The following BNIP3L variants were observed in gnomAD, a reference collection of about 807,000 sequenced individuals.
BNIP3L encodes the protein BCL2 interacting protein 3 like.
BNIP3L carries 10 observed loss-of-function variants against 25.5 expected under a neutral mutation model. The observed-to-expected ratio is 0.39, with a 90% CI of 0.24 to 0.67. The LOEUF (loss-of-function observed/expected upper bound fraction) is 0.67. Among genes scored for constraint, BNIP3L ranks in the 30% least tolerant of loss-of-function variants. The pLI is 0.45. For missense variants in BNIP3L, 215 were observed against 270.9 expected (o/e 0.79, Z 1.45); for synonymous variants, 113 against 101.2 (o/e 1.12, Z -0.70).
intron 3 of BNIP3L, among the ~76,000 whole-genome samples, chr8:26,403,189 A>C (rs1806429510): frequency 6.6e-6 from 1 of 152,228 alleles, no homozygotes; most frequent in Non-Finnish European, 1.5e-5. Context: ...AAGACAGCCT[A>C]ACCCCTGTGA....
Position 26,411,773 on chromosome 8 carries a change from A to G in BNIP3L, c.*1361A>G, listed in dbSNP as rs925373369. ...GATTTTCTTGGATTTCAGAACATCT[A>G]GCATGACTCTGAAGGATACCACATG... On this transcript the variant is annotated 3_prime_UTR_variant, in exon 6 of 6. Transcript: ENST00000380629. 1 of 152,656 alleles carries G rather than the reference A, an allele frequency of 6.6e-6. No homozygotes were observed. Among genetic ancestry groups the G allele is most frequent in the Non-Finnish European group, 1.5e-5 (1 of 68,030 alleles). The allele number at this position is 152,656 out of a possible 1,614,324, so 9.5% of individuals were successfully genotyped here. A position where few individuals can be genotyped will look rare whatever the true frequency, so the allele number is the denominator to read the frequency against.
chr8:26,388,747 G>A (rs1200830836), intron 1 of BNIP3L, among the ~76,000 whole-genome samples: 1 of 152,068 alleles, frequency 6.6e-6, no homozygotes, highest in Non-Finnish European at 1.5e-5. Flanking sequence ...GAGGTGGGAG[G>A]ATTGCTGAAG....
chr8:26,412,066 A>T lies in BNIP3L; in HGVS notation c.*1654A>T, dbSNP rs1486213376. ...AGAATATAGCTGGCTATCTTTAAGA[A>T]AGATGATATATCCTAGTTTTGAAAG... On this transcript the variant is annotated 3_prime_UTR_variant, in exon 6 of 6. Coordinates refer to ENST00000380629, the MANE Select transcript of BNIP3L (RefSeq NM_004331.3). 6.6e-6 allele frequency: 1 copy of T among 152,490 alleles called. No individual in the cohort carries two copies. The allele number at this position is 152,490 out of a possible 1,614,324, so 9.4% of individuals were successfully genotyped here. A position where few individuals can be genotyped will look rare whatever the true frequency, so the allele number is the denominator to read the frequency against.
At chr8:26,409,899 A>G (rs1259987893) in intron 5 of BNIP3L, among the ~76,000 whole-genome samples, 1 of 151,714 alleles carries the variant, frequency 6.6e-6, no homozygotes, top group Non-Finnish European at 1.5e-5. Flanking sequence ...CTTAGGAGTT[A>G]TTAGTAAGAG....
chr8:26,401,828 G>C (rs1209191303), intron 3 of BNIP3L, among the ~76,000 whole-genome samples: 1 of 152,140 alleles, frequency 6.6e-6, no homozygotes, highest in African/African-American at 2.4e-5. Flanking sequence ...ACAAATGTTT[G>C]TGTTATAAGA....
intron 2 of BNIP3L, among the ~76,000 whole-genome samples, chr8:26,394,488 A>G (rs1402441977): frequency 6.6e-6 from 1 of 152,192 alleles, no homozygotes; most frequent in African/African-American, 2.4e-5. Flanking sequence ...ATTAAAACTG[A>G]GAAAATATAT....
chr8:26,385,513 G>A (rs1585428864), intron 1 of BNIP3L, among the ~76,000 whole-genome samples: 2 of 149,756 alleles, frequency 1.3e-5, no homozygotes, highest in South Asian at 2.1e-4. Context: ...TGAGGCAGGA[G>A]AATCGCTTGA....
intron 3 of BNIP3L, among the ~76,000 whole-genome samples, chr8:26,403,197 T>C (rs1166463057): frequency 1.3e-5 from 2 of 152,162 alleles, no homozygotes; most frequent in Admixed American, 6.5e-5. Context: ...CTAACCCCTG[T>C]GAGAGATAAC....
chr8:26,390,575 G>T, intron 1 of BNIP3L: 1 of 976,104 alleles, frequency 1.0e-6, no homozygotes, highest in South Asian at 4.7e-5. Flanking sequence ...CAAAGGAAAT[G>T]AAGAAACTAA....
At chr8:26,395,485 T>C (rs1806213104) in intron 3 of BNIP3L, 183 bp downstream of exon 3, 1 of 604,142 alleles carries the variant, frequency 1.7e-6, no homozygotes, top group South Asian at 2.6e-5. Context: ...ACTAAGGATT[T>C]TGGGCCCTGT....
Position 26,410,519 on chromosome 8 carries a change from C to A in BNIP3L, c.*107C>A. On this transcript the variant is annotated 3_prime_UTR_variant, in exon 6 of 6. Coordinates refer to ENST00000380629, the MANE Select transcript of BNIP3L (RefSeq NM_004331.3). ...TGTAAGCATGACCCAACCTACCACC[C>A]TGTTTTTACATATCCAATTCCAGTA... is the stretch of plus-strand genomic sequence containing the variant. The A allele has an allele frequency of 7.8e-7, 1 of 1,280,826 alleles. No individual in the cohort carries two copies. The highest frequency in any genetic ancestry group is 1.1e-6 in the Non-Finnish European group (1 of 886,586). The allele number at this position is 1,280,826 out of a possible 1,614,324, so 79.3% of individuals were successfully genotyped here. A position where few individuals can be genotyped will look rare whatever the true frequency, so the allele number is the denominator to read the frequency against.
chr8:26,407,517 G>C (rs1004930369), intron 3 of BNIP3L, among the ~76,000 whole-genome samples: 2 of 151,040 alleles, frequency 1.3e-5, no homozygotes, highest in Non-Finnish European at 2.9e-5. Flanking sequence ...TAGTAAAGAC[G>C]GGGTTTTACC....
rs78837538 is a variant in BNIP3L, at chr8:26,385,175, T to C, written c.100+1945T>C. 7.0e-3 allele frequency among the ~76,000 whole-genome samples: 1,063 copies of C among 152,338 alleles called. 8 individuals carry two copies. Among genetic ancestry groups the C allele is most frequent in the African/African-American group, 0.024 (1,003 of 41,560 alleles). On this transcript the variant is annotated intron_variant, in intron 1 of 5. Transcript: ENST00000380629. Reference sequence around the variant, plus strand: ...TGACAAAGGTGGCCAACCTTTCTGTTTCTTTTTAGTATTGTTTCTTAATTG... The same window carrying C: ...TGACAAAGGTGGCCAACCTTTCTGTCTCTTTTTAGTATTGTTTCTTAATTG...
rs554927130 is a variant in BNIP3L, at chr8:26,386,256, C to A, written c.100+3026C>A. ...GCAAATACCCAAACTCCTTCCAAGT[C>A]AAAAGGATGTTGTCCAGTTTGTTTT... On this transcript the variant is annotated intron_variant, in intron 1 of 5. Coordinates refer to ENST00000380629, the MANE Select transcript of BNIP3L (RefSeq NM_004331.3). 1.5e-3 allele frequency among the ~76,000 whole-genome samples: 225 copies of A among 152,212 alleles called. 2 individuals are homozygous for A. The highest frequency in any genetic ancestry group is 4.7e-3 in the African/African-American group (197 of 41,504).
chr8:26,387,403 G>A (rs1263297701), intron 1 of BNIP3L, among the ~76,000 whole-genome samples: 2 of 152,172 alleles, frequency 1.3e-5, no homozygotes, highest in East Asian at 3.9e-4. Flanking sequence ...CCAGCTTTTA[G>A]TTTTCAAGCT....
chr8:26,408,208 C>G lies in BNIP3L; in HGVS notation c.462-19C>G. The G allele has an allele frequency of 6.2e-7, 1 of 1,612,618 alleles. No individual in the cohort carries two copies. The highest frequency in any genetic ancestry group is 8.5e-7 in the Non-Finnish European group (1 of 1,178,746). Reference sequence around the variant, plus strand: ...GATATTTTCAGCAAATGACATCTGCCTCTGAATTTCTTTCTCAGGGAGTTC... The same window carrying G: ...GATATTTTCAGCAAATGACATCTGCGTCTGAATTTCTTTCTCAGGGAGTTC... On this transcript the variant is annotated intron_variant, in intron 4 of 5. Transcript: ENST00000380629.
At chr8:26,409,708 C>G (rs1421909402) in intron 5 of BNIP3L, among the ~76,000 whole-genome samples, 2 of 152,098 alleles carry the variant, frequency 1.3e-5, no homozygotes, top group African/African-American at 2.4e-5. Context: ...GATTGTTTGT[C>G]TTGGCTGTAA....
chr8:26,400,581 A>G (rs1246836329), intron 3 of BNIP3L, among the ~76,000 whole-genome samples: 1 of 142,482 alleles, frequency 7.0e-6, no homozygotes, highest in Non-Finnish European at 1.5e-5. Flanking sequence ...TAATTAAACT[A>G]AAGAGCTTCT....
intron 1 of BNIP3L, among the ~76,000 whole-genome samples, chr8:26,383,703 GGC>G (rs1191844386): frequency 6.6e-6 from 1 of 151,418 alleles, no homozygotes; most frequent in Non-Finnish European, 1.5e-5. Flanking sequence ...AGGTGTGCGG[GGC>G]TCGCGGGCGG....
Sources: allele counts gnomAD v4.1 joint callset (sites outside exome capture counted in the v4.1 genomes callset), GRCh38; gene constraint gnomAD v4.1.1; transcripts MANE v1.5; gene names NCBI Gene and HGNC (gene_info 2026-07-23, HGNC 2026-07-21).